IFTAP: variants seen among roughly 807,000 people sequenced by gnomAD.
IFTAP encodes the protein intraflagellar transport associated protein.
IFTAP carries 19 observed loss-of-function variants against 19.4 expected under a neutral mutation model. That is an observed-to-expected ratio of 0.98 (90% CI 0.68 to 1.44). The LOEUF is 1.44. Ranked by LOEUF, IFTAP falls within the 40% of genes most tolerant of loss-of-function variation. IFTAP has a pLI of 0.00. For synonymous variants in IFTAP, 85 were observed against 83.5 expected (o/e 1.02, Z -0.10); for missense variants, 240 against 253.6 (o/e 0.95, Z 0.36).
intron 3 of IFTAP, among the ~76,000 whole-genome samples, chr11:36,633,753 T>C (rs1046211485): frequency 6.6e-6 from 1 of 152,104 alleles, no homozygotes; most frequent in Non-Finnish European, 1.5e-5. Context: ...CTCCTTTCTC[T>C]AATTCTCTGT....
At position 36,642,103 on chromosome 11, in the gene IFTAP, C is replaced by G. The variant is rs149313348; in HGVS notation, c.359-5913C>G. ...CAGAGACTAGGATAAAATTGATAGA[C>G]CGCTAGCAAGACTAATAAAGAAGAA... is the stretch of plus-strand genomic sequence containing the variant. On this transcript the variant is annotated intron_variant, in intron 4 of 5. Coordinates refer to ENST00000334307, the MANE Select transcript of IFTAP (RefSeq NM_138787.4). Among the ~76,000 whole-genome samples the G allele has an allele frequency of 6.2e-3, 947 of 152,094 alleles. 11 individuals are homozygous for G. The highest frequency in any genetic ancestry group is 0.022 in the African/African-American group (918 of 41,482).
chr11:36,630,125 A>G (rs1852674722), intron 2 of IFTAP, among the ~76,000 whole-genome samples: 1 of 151,384 alleles, frequency 6.6e-6, no homozygotes. Flanking sequence ...AGGAAGTGGC[A>G]TCTGGCTCTC....
At chr11:36,602,087 G>A (rs1306394909) in intron 1 of IFTAP, among the ~76,000 whole-genome samples, 1 of 152,136 alleles carries the variant, frequency 6.6e-6, no homozygotes, top group Non-Finnish European at 1.5e-5. Context: ...TGGAAACTGG[G>A]GAAGCATTGT....
intron 1 of IFTAP, among the ~76,000 whole-genome samples, chr11:36,608,067 A>G (rs1851756687): frequency 6.6e-6 from 1 of 152,236 alleles, no homozygotes; most frequent in Non-Finnish European, 1.5e-5. Context: ...AGAATAGGCT[A>G]GATCTGCATA....
intron 4 of IFTAP, among the ~76,000 whole-genome samples, chr11:36,644,264 G>A (rs1853369216): frequency 6.6e-6 from 1 of 152,106 alleles, no homozygotes; most frequent in African/African-American, 2.4e-5. Context: ...ATCATCACTG[G>A]CCATCAGAGA....
At chr11:36,632,558 C>G (rs1345713026) in intron 2 of IFTAP, among the ~76,000 whole-genome samples, 1 of 151,270 alleles carries the variant, frequency 6.6e-6, no homozygotes, top group Non-Finnish European at 1.5e-5. Context: ...TAGGATTACT[C>G]TTAGATGCTT....
chr11:36,650,395 A>G (rs990280555), intron 5 of IFTAP, among the ~76,000 whole-genome samples: 1 of 152,024 alleles, frequency 6.6e-6, no homozygotes, highest in Non-Finnish European at 1.5e-5. Flanking sequence ...TTAAATTAAC[A>G]TATAATAATT....
chr11:36,636,752 A>T (rs1232642478), intron 4 of IFTAP, among the ~76,000 whole-genome samples: 1 of 149,138 alleles, frequency 6.7e-6, no homozygotes, highest in Non-Finnish European at 1.5e-5. Flanking sequence ...GATATATTGT[A>T]AATGTTTCTT....
At chr11:36,652,012 T>G (rs996175229) in intron 5 of IFTAP, among the ~76,000 whole-genome samples, 8 of 152,216 alleles carry the variant, frequency 5.3e-5, no homozygotes, top group African/African-American at 1.7e-4. Context: ...GTTCTTTGGC[T>G]TAGGATTGTC....
chr11:36,618,332 CTT>C (rs1852170221), intron 2 of IFTAP, among the ~76,000 whole-genome samples: 1 of 152,018 alleles, frequency 6.6e-6, no homozygotes, highest in Non-Finnish European at 1.5e-5. Context: ...CCCTGAACCA[CTT>C]TGTTCTCTGC....
chr11:36,658,492 T>C (rs146712139), intron 5 of IFTAP, among the ~76,000 whole-genome samples: 1 of 152,334 alleles, frequency 6.6e-6, no homozygotes, highest in African/African-American at 2.4e-5. Context: ...ATTTAAAATA[T>C]GTTTCAAGTT....
intron 1 of IFTAP, among the ~76,000 whole-genome samples, chr11:36,605,519 G>A (rs1182379030): frequency 6.6e-6 from 1 of 152,138 alleles, no homozygotes; most frequent in Non-Finnish European, 1.5e-5. Context: ...TGTTCTTTCA[G>A]AGAGCACATA....
chr11:36,651,989 TG>T (rs1404379375), intron 5 of IFTAP, among the ~76,000 whole-genome samples: 2 of 152,230 alleles, frequency 1.3e-5, no homozygotes, highest in East Asian at 1.9e-4. Flanking sequence ...GGTAGCGTGA[TG>T]CCTCCAGCTT....
chr11:36,609,375 T>C (rs1851796326), intron 1 of IFTAP, among the ~76,000 whole-genome samples: 3 of 152,080 alleles, frequency 2.0e-5, no homozygotes. Context: ...CAGAAACCAG[T>C]TGGGGTAGAG....
chr11:36,622,491 G>A (rs879935228), intron 2 of IFTAP, among the ~76,000 whole-genome samples: 5 of 152,050 alleles, frequency 3.3e-5, no homozygotes, highest in African/African-American at 9.7e-5. Flanking sequence ...TACGGGCAGG[G>A]CCAGTGTAAT....
At chr11:36,618,790 A>G (rs1852191061) in intron 2 of IFTAP, among the ~76,000 whole-genome samples, 1 of 152,030 alleles carries the variant, frequency 6.6e-6, no homozygotes. Flanking sequence ...AAACCCATTA[A>G]TACACATTGC....
chr11:36,596,856 A>G (rs560508706), intron 1 of IFTAP, among the ~76,000 whole-genome samples: 30 of 152,230 alleles, frequency 2.0e-4, no homozygotes, highest in Non-Finnish European at 3.5e-4. Flanking sequence ...CTCGTAAGTG[A>G]AAACATGATT....
Position 36,603,794 on chromosome 11 carries a change from C to T in IFTAP, c.-23-6287C>T, listed in dbSNP as rs183968292. Among the ~76,000 whole-genome samples the T allele has an allele frequency of 2.1e-3, 322 of 151,822 alleles. 1 individual carries two copies. The highest frequency in any genetic ancestry group is 3.1e-3 in the Non-Finnish European group (208 of 67,956). ...AAAATTAGTCAGGTGTGGTGGTGTG[C>T]GCCTGTAATCCTGGCTACTCAGGAG... On this transcript the variant is annotated intron_variant, in intron 1 of 5. Coordinates refer to ENST00000334307, the MANE Select transcript of IFTAP (RefSeq NM_138787.4).
At position 36,628,716 on chromosome 11, in the gene IFTAP, C is replaced by T. The variant is rs531084932; in HGVS notation, c.137-4568C>T. Among the ~76,000 whole-genome samples, 80 of 151,388 alleles carry T rather than the reference C, an allele frequency of 5.3e-4. 6 individuals are homozygous for T. The highest frequency in any genetic ancestry group is 1.9e-3 in the African/African-American group (76 of 40,674). ...CATTACACTCTGTTCATATTTTTCT[C>T]TCTGTAAGTGCCTAACACTGGACAT... On this transcript the variant is annotated intron_variant, in intron 2 of 5. Coordinates refer to ENST00000334307, the MANE Select transcript of IFTAP (RefSeq NM_138787.4).
Sources: allele counts gnomAD v4.1 joint callset (sites outside exome capture counted in the v4.1 genomes callset), GRCh38; gene constraint gnomAD v4.1.1; transcripts MANE v1.5; gene names NCBI Gene and HGNC (gene_info 2026-07-23, HGNC 2026-07-21).